Variants in EMILIN2 observed in about 807,000 individuals in gnomAD.
The protein encoded by EMILIN2 is elastin microfibril interfacer 2.
EMILIN2 carries 71 observed loss-of-function variants against 87.1 expected under a neutral mutation model. That is an observed-to-expected ratio of 0.82 (90% CI 0.67 to 0.99). The LOEUF is 0.99. Among genes scored for constraint, EMILIN2 ranks in the 50% least tolerant of loss-of-function variants. EMILIN2 has a pLI of 0.00. For missense variants in EMILIN2, 1,407 were observed against 1,371.8 expected, an observed-to-expected ratio of 1.03 and a Z score of -0.40; for synonymous variants, 581 against 563.4, an observed-to-expected ratio of 1.03 and a Z score of -0.44.
chr18:2,896,270 G>A (rs1017674525), intron 4 of EMILIN2, among the ~76,000 whole-genome samples: 2 of 152,104 alleles, frequency 1.3e-5, no homozygotes, highest in East Asian at 3.9e-4. Flanking sequence ...CCGCCTCCCG[G>A]GTTCAAGCGA....
At chr18:2,908,908 C>A (rs1568486545) in intron 5 of EMILIN2, 35 bp from the exon 6 acceptor site, 1 of 1,613,782 alleles carries the variant, frequency 6.2e-7, no homozygotes, top group South Asian at 1.1e-5. Flanking sequence ...TGCTTAGGGT[C>A]TTGTTTGACA....
At chr18:2,860,518 G>C (rs2076655502) in intron 2 of EMILIN2, among the ~76,000 whole-genome samples, 1 of 152,092 alleles carries the variant, frequency 6.6e-6, no homozygotes, top group Non-Finnish European at 1.5e-5. Flanking sequence ...ATAGTTTGCT[G>C]AGAATGATGG....
intron 3 of EMILIN2, among the ~76,000 whole-genome samples, chr18:2,887,253 G>C (rs998944088): frequency 6.6e-6 from 1 of 152,090 alleles, no homozygotes; most frequent in Admixed American, 6.5e-5. Context: ...TGTGTGACTT[G>C]AGTAGGTTTT....
At chr18:2,860,862 A>T (rs1223296252) in intron 2 of EMILIN2, among the ~76,000 whole-genome samples, 2 of 152,170 alleles carry the variant, frequency 1.3e-5, no homozygotes, top group Non-Finnish European at 2.9e-5. Flanking sequence ...CAACAGTGTA[A>T]AAGTGTTCCT....
chr18:2,859,895 T>C (rs2076651827), intron 2 of EMILIN2, among the ~76,000 whole-genome samples: 1 of 152,246 alleles, frequency 6.6e-6, no homozygotes, highest in African/African-American at 2.4e-5. Flanking sequence ...TTTGGGTTTA[T>C]ACCTGGGTTC....
chr18:2,906,196 C>T (rs1459833419), intron 4 of EMILIN2: 1 of 152,206 alleles, frequency 6.6e-6, no homozygotes, highest in African/African-American at 2.4e-5. Context: ...CGGCAGCTTC[C>T]GGCGCCTTCC....
chr18:2,910,361 G>A (rs2076934942), intron 7 of EMILIN2, among the ~76,000 whole-genome samples: 1 of 152,214 alleles, frequency 6.6e-6, no homozygotes, highest in South Asian at 2.1e-4. Flanking sequence ...CGCCTGGCGT[G>A]TCCCCCTGCC....
chr18:2,858,549 A>ATATATATGTGTG (rs2076640753), intron 2 of EMILIN2, among the ~76,000 whole-genome samples: 1 of 44,168 alleles, frequency 2.3e-5, no homozygotes, highest in Admixed American at 2.2e-4. Flanking sequence ...ATATATATAT[A>ATATATATGTGTG]TATATATATA....
intron 2 of EMILIN2, among the ~76,000 whole-genome samples, chr18:2,858,536 T>C (rs2076639740): frequency 3.0e-5 from 1 of 32,918 alleles, no homozygotes; most frequent in Non-Finnish European, 4.9e-5. Context: ...TATATATATA[T>C]ATATATATAT....
Position 2,852,486 on chromosome 18 carries a change from A to T in EMILIN2, c.257+4555A>T, listed in dbSNP as rs932434133. Among the ~76,000 whole-genome samples the T allele has an allele frequency of 2.0e-5, 3 of 152,186 alleles. No homozygotes were observed. In the East Asian group the frequency reaches 5.8e-4, roughly 29 times the overall value. ...TAAAGCCCATGCCCTAATGGTTGTG[A>T]TACTAGTTTTGTGTGTAAGTAATTG... On this transcript the variant is annotated intron_variant, in intron 2 of 7. Transcript: ENST00000254528.
intron 4 of EMILIN2, among the ~76,000 whole-genome samples, chr18:2,905,141 A>C (rs550349503): frequency 4.4e-4 from 67 of 152,136 alleles, no homozygotes; most frequent in African/African-American, 1.6e-3. Flanking sequence ...CTCTGTATCT[A>C]GAATGGAATT....
intron 4 of EMILIN2, among the ~76,000 whole-genome samples, chr18:2,898,016 G>T (rs1403644505): frequency 6.6e-6 from 1 of 152,138 alleles, no homozygotes; most frequent in Non-Finnish European, 1.5e-5. Context: ...TATTCCCTAT[G>T]CAGTGTAGCC....
chr18:2,854,618 C>A (rs1043773620), intron 2 of EMILIN2, among the ~76,000 whole-genome samples: 8 of 151,922 alleles, frequency 5.3e-5, no homozygotes, highest in Non-Finnish European at 1.2e-4. Flanking sequence ...CATAGTGAGA[C>A]CTTGTCTTTA....
chr18:2,869,586 A>T (rs939857108), intron 2 of EMILIN2, among the ~76,000 whole-genome samples: 2 of 151,898 alleles, frequency 1.3e-5, no homozygotes, highest in African/African-American at 4.9e-5. Context: ...TTCATGTTGT[A>T]GTATGTATCA....
chr18:2,895,016 G>C (rs2076856884), intron 4 of EMILIN2, among the ~76,000 whole-genome samples: 3 of 152,304 alleles, frequency 2.0e-5, no homozygotes, highest in Middle Eastern at 3.4e-3. Flanking sequence ...GCAGAGAGAT[G>C]AATGAGATTG....
In EMILIN2 at chr18:2,880,342, C is replaced by G. The variant is rs534410659; in HGVS notation, c.258-4622C>G. On this transcript the variant is annotated intron_variant, in intron 2 of 7. Coordinates refer to ENST00000254528, the MANE Select transcript of EMILIN2 (RefSeq NM_032048.3). This position sits in a 1 kb window ranked among gnomAD's most constrained non-coding sequence, Gnocchi z 4.1. ...CCAGTCTAGTGTCTTGACACGGTTG[C>G]TGAACCCATTAAAATGGGAAACCCT... 7.2e-5 allele frequency among the ~76,000 whole-genome samples: 11 copies of G among 152,292 alleles called. No homozygotes were observed. Among genetic ancestry groups the G allele is most frequent in the African/African-American group, 2.4e-4 (10 of 41,566 alleles).
intron 4 of EMILIN2, among the ~76,000 whole-genome samples, chr18:2,903,290 C>G (rs2144061512): frequency 6.6e-6 from 1 of 152,222 alleles, no homozygotes; most frequent in East Asian, 1.9e-4. Flanking sequence ...GAGGAGTCAA[C>G]TCAAGTGTGC....
chr18:2,849,741 G>A (rs1423239157), intron 2 of EMILIN2, among the ~76,000 whole-genome samples: 1 of 152,160 alleles, frequency 6.6e-6, no homozygotes, highest in Non-Finnish European at 1.5e-5. Flanking sequence ...TACATTTTAA[G>A]TACTGCACTG....
At chr18:2,858,492 A>G (rs1326128363) in intron 2 of EMILIN2, among the ~76,000 whole-genome samples, 1 of 126,638 alleles carries the variant, frequency 7.9e-6, no homozygotes, top group Non-Finnish European at 1.6e-5. Flanking sequence ...CCATTAATTC[A>G]TCCCTTTTTA....
Sources: allele counts gnomAD v4.1 joint callset (sites outside exome capture counted in the v4.1 genomes callset), GRCh38; gene constraint gnomAD v4.1.1; non-coding constraint Gnocchi (gnomAD v3.1); transcripts MANE v1.5; gene names NCBI Gene and HGNC (gene_info 2026-07-23, HGNC 2026-07-21).